The following XXYLT1 variants were observed in gnomAD, a reference collection of about 807,000 sequenced individuals.
XXYLT1 encodes the protein xyloside xylosyltransferase 1.
In XXYLT1, 20 loss-of-function variants were observed where a neutral mutation model predicts 28.9. The observed-to-expected ratio is 0.69, with a 90% CI of 0.49 to 1.00. The LOEUF (loss-of-function observed/expected upper bound fraction) is 1.00, where lower values mean the gene tolerates loss of function less well. Among genes scored for constraint, XXYLT1 ranks in the 50% least tolerant of loss-of-function variants. The pLI, the probability that XXYLT1 is intolerant of heterozygous loss-of-function variation, is 0.00. For missense variants in XXYLT1, 542 were observed against 560.1 expected, an observed-to-expected ratio of 0.97 and a Z score of 0.33; for synonymous variants, 257 against 253.8, an observed-to-expected ratio of 1.01 and a Z score of -0.12.
At chr3:195,118,914 G>A (rs1223108692) in intron 3 of XXYLT1, among the ~76,000 whole-genome samples, 1 of 152,156 alleles carries the variant, frequency 6.6e-6, no homozygotes, top group Non-Finnish European at 1.5e-5. Flanking sequence ...TTCCTCTGGG[G>A]CTCTGTCATT....
At chr3:195,196,546 C>T (rs1722633400) in intron 2 of XXYLT1, among the ~76,000 whole-genome samples, 1 of 152,348 alleles carries the variant, frequency 6.6e-6, no homozygotes, top group Non-Finnish European at 1.5e-5. Flanking sequence ...GGGAAGAAAA[C>T]ATAACACAGG....
intron 1 of XXYLT1, among the ~76,000 whole-genome samples, chr3:195,236,137 T>C (rs892128518): frequency 6.6e-6 from 1 of 152,086 alleles, no homozygotes; most frequent in Non-Finnish European, 1.5e-5. Context: ...GCCCTACAAT[T>C]AGCAGGTGGC....
At chr3:195,157,802 C>A (rs542912004) in intron 2 of XXYLT1, among the ~76,000 whole-genome samples, 1 of 152,198 alleles carries the variant, frequency 6.6e-6, no homozygotes, top group East Asian at 1.9e-4. Flanking sequence ...TCCTGGTACC[C>A]GGCCTGGGAA....
At chr3:195,190,493 CAAAAAAAAAA>C (rs57722997) in intron 2 of XXYLT1, among the ~76,000 whole-genome samples, 3 of 34,986 alleles carry the variant, frequency 8.6e-5, no homozygotes, top group African/African-American at 1.9e-4. Context: ...GACTCTGTCT[CAAAAAAAAAA>C]AAAAAAAAAA....
In XXYLT1 at chr3:195,246,456, G is replaced by A. The variant is rs982299002; in HGVS notation, c.505-19600C>T. On this transcript the variant is annotated intron_variant, in intron 1 of 3. Transcript: ENST00000310380. ...CACAGTGTGTCTGTCTTGTAGGTAC[G>A]GCACCTTGTGGACCTTCAAACACAC... is the stretch of plus-strand genomic sequence containing the variant. Among the ~76,000 whole-genome samples the A allele has an allele frequency of 3.3e-5, 5 of 152,198 alleles. No homozygotes were observed. In the South Asian group the frequency reaches 8.3e-4, roughly 25 times the overall value.
chr3:195,141,293 C>T (rs1187277344), intron 3 of XXYLT1, among the ~76,000 whole-genome samples: 2 of 152,208 alleles, frequency 1.3e-5, no homozygotes, highest in Non-Finnish European at 2.9e-5. Context: ...CCAACACTCC[C>T]CTTCCGGCTC....
At chr3:195,270,354 T>C in intron 1 of XXYLT1, 1 of 1,251,222 alleles carries the variant, frequency 8.0e-7, no homozygotes, top group African/African-American at 1.6e-5. Context: ...GCTCCACTCC[T>C]CAGCACCAGC....
rs147148218 is a variant in XXYLT1, at chr3:195,078,251, C to T, written c.786-8140G>A. ...AGCAGAGAGCACCAAGCAGGTGGTA[C>T]GGAATTCTGGAGAGTTCTGACATTT... On this transcript the variant is annotated intron_variant, in intron 3 of 3. Transcript: ENST00000310380. The surrounding 1 kb of genome is among the most constrained non-coding windows in gnomAD (Gnocchi z 5.0). Among the ~76,000 whole-genome samples, 287 of 152,032 alleles carry T rather than the reference C, an allele frequency of 1.9e-3. 1 individual carries two copies. The highest frequency in any genetic ancestry group is 3.5e-3 in the Non-Finnish European group (236 of 67,990).
At chr3:195,105,445 G>A (rs955233247) in intron 3 of XXYLT1, among the ~76,000 whole-genome samples, 8 of 152,174 alleles carry the variant, frequency 5.3e-5, no homozygotes, top group South Asian at 2.1e-4. Flanking sequence ...TCTACACACC[G>A]TATCATCATC....
Position 195,147,259 on chromosome 3 carries a change from A to G in XXYLT1, c.785+9190T>C, listed in dbSNP as rs947021873. Among the ~76,000 whole-genome samples the G allele has an allele frequency of 5.3e-5, 8 of 152,218 alleles. No homozygotes were observed. In the East Asian group the frequency reaches 9.7e-4, roughly 18 times the overall value. On this transcript the variant is annotated intron_variant, in intron 3 of 3. Transcript: ENST00000310380. The stretch of plus-strand genomic sequence containing the variant: ...GGGACCAATCCTATGGCTCACACAC[A>G]CAATGAGCCAAATAAAAAACTGAGA...
rs1320024705 is a variant in XXYLT1, at chr3:195,257,700, G to C, written c.504+12855C>G. Among the ~76,000 whole-genome samples, 1 of 152,040 alleles carries C rather than the reference G, an allele frequency of 6.6e-6. No homozygotes were observed. Among genetic ancestry groups the C allele is most frequent in the Non-Finnish European group, 1.5e-5 (1 of 67,990 alleles). On this transcript the variant is annotated intron_variant, in intron 1 of 3. Transcript: ENST00000310380. This position sits in a 1 kb window ranked among gnomAD's most constrained non-coding sequence, Gnocchi z 4.3. ...CTACTGCTGACTCTCTGCCAACCCA[G>C]AGAGCCACACACTCACCCAGCCAGG...
chr3:195,198,631 G>A (rs930707116), intron 2 of XXYLT1, among the ~76,000 whole-genome samples: 2 of 152,324 alleles, frequency 1.3e-5, no homozygotes, highest in African/African-American at 4.8e-5. Context: ...CAAACTGATA[G>A]TATTATTTTC....
At chr3:195,119,669 A>C (rs532438118) in intron 3 of XXYLT1, among the ~76,000 whole-genome samples, 6 of 145,656 alleles carry the variant, frequency 4.1e-5, no homozygotes, top group South Asian at 4.3e-4. Context: ...AGATGAGAGG[A>C]GGCCTCCGAG....
intron 3 of XXYLT1, among the ~76,000 whole-genome samples, chr3:195,134,868 T>TGTGCGCGC (rs996449867): frequency 1.0e-5 from 1 of 100,124 alleles, no homozygotes; most frequent in African/African-American, 4.1e-5. Flanking sequence ...TGTGTGTGTG[T>TGTGCGCGC]GCGTGTGCGC....
At position 195,077,540 on chromosome 3, in the gene XXYLT1, G is replaced by C. The variant is rs1715191046; in HGVS notation, c.786-7429C>G. Reference sequence around the variant, plus strand: ...CCTCGTCCACCCAGCCAGCCTCCTGGAGTCTGGAATGATAAAGGTGACCCA... The same window carrying C: ...CCTCGTCCACCCAGCCAGCCTCCTGCAGTCTGGAATGATAAAGGTGACCCA... On this transcript the variant is annotated intron_variant, in intron 3 of 3. Transcript: ENST00000310380. The surrounding 1 kb of genome is among the most constrained non-coding windows in gnomAD (Gnocchi z 4.8). Among the ~76,000 whole-genome samples, 1 of 152,162 alleles carries C rather than the reference G, an allele frequency of 6.6e-6. No homozygotes were observed. The highest frequency in any genetic ancestry group is 6.5e-5 in the Admixed American group (1 of 15,280).
chr3:195,270,317 G>A, intron 1 of XXYLT1: 4 of 987,970 alleles, frequency 4.0e-6, no homozygotes, highest in Non-Finnish European at 5.5e-6. Context: ...TGGGGGAGAG[G>A]AAAACGAGGC....
chr3:195,088,331 G>C (rs1286158680), intron 3 of XXYLT1, among the ~76,000 whole-genome samples: 44 of 149,366 alleles, frequency 2.9e-4, no homozygotes, highest in Non-Finnish European at 5.7e-4. Flanking sequence ...CACGCAGCTG[G>C]AGATCTGAGA....
intron 2 of XXYLT1, among the ~76,000 whole-genome samples, chr3:195,156,922 C>G (rs149680364): frequency 9.6e-4 from 146 of 152,200 alleles, no homozygotes; most frequent in African/African-American, 3.3e-3. Flanking sequence ...TGGATGATAC[C>G]TTATGTGGAC....
chr3:195,221,096 C>T (rs182296500), intron 2 of XXYLT1, among the ~76,000 whole-genome samples: 1 of 152,094 alleles, frequency 6.6e-6, no homozygotes, highest in Non-Finnish European at 1.5e-5. Flanking sequence ...CCCAAAAACC[C>T]GTAACCTCAG....
Sources: gnomAD v4.1 joint callset for allele counts (sites outside exome capture counted in the v4.1 genomes callset) on GRCh38, gnomAD v4.1.1 for gene constraint, Gnocchi (gnomAD v3.1) non-coding constraint, MANE v1.5 for transcripts, NCBI Gene and HGNC (gene_info 2026-07-23, HGNC 2026-07-21) for gene names.